Variants in WDR90 observed in about 807,000 individuals in gnomAD.
WDR90 encodes the protein WD repeat-containing protein 90.
In WDR90, 238 loss-of-function variants were observed where a neutral mutation model predicts 195.2. The ratio of observed to expected loss-of-function variants is 1.22; its 90% confidence interval spans 1.10 to 1.36. The LOEUF is 1.36. Ranked by LOEUF, WDR90 falls within the 40% of genes most tolerant of loss-of-function variation. The probability of loss-of-function intolerance (pLI) is 0.00; values close to 1 mark genes in which losing one functional copy is unlikely to be tolerated. For missense variants in WDR90, 2,734 were observed against 2,439.5 expected, an observed-to-expected ratio of 1.12 and a Z score of -2.54; for synonymous variants, 1,265 against 1,052.4, an observed-to-expected ratio of 1.20 and a Z score of -3.91.
In WDR90 at chr16:655,612, C is replaced by T; in HGVS notation, c.1758C>T (p.Asp586=). ...CSRSGHILEI[D]CQRMVVRHAR... is the part of the protein sequence containing the mutation. ...GCAGTGGCCACATCTTGGAGATTGA[C>T]TGTCAGCGCATGGTCGTGCGGCATG... The change falls in exon 16 of 41, where the codon GAC becomes GAT. Residue 586 remains aspartate, a synonymous_variant. Coordinates refer to ENST00000293879, the MANE Select transcript of WDR90 (RefSeq NM_145294.5). 2.5e-6 allele frequency: 4 copies of T among 1,607,568 alleles called. No individual in the cohort carries two copies. Among genetic ancestry groups the T allele is most frequent in the Non-Finnish European group, 3.4e-6 (4 of 1,176,754 alleles).
In WDR90 at chr16:651,731, C is replaced by T. The variant is rs142275854; in HGVS notation, c.824C>T (p.Thr275Met). ...TTCAGTGTGTCTCCAGTGGTCCAGA[C>T]GCCCAGCCCCACAGCCGTGAGTACC... is the stretch of plus-strand genomic sequence containing the variant. The part of the protein sequence containing the change: ...VRFSVSPVVQ[T>M]PSPTASGRAA... The change falls in exon 8 of 41, where the codon ACG becomes ATG. Residue 275 changes from threonine (T) to methionine (M), a missense_variant. Physicochemically the swap from Thr to Met is moderately conservative, Grantham distance 81 (BLOSUM62 -1). Transcript: ENST00000293879. The T allele has an allele frequency of 4.6e-4, 742 of 1,613,088 alleles. 3 individuals carry two copies. The African/African-American group carries it at 8.4e-3, about 18-fold the overall frequency.
intron 5 of WDR90, 136 bp downstream of exon 5, chr16:650,845 A>G: frequency 6.8e-7 from 1 of 1,477,142 alleles, no homozygotes; most frequent in South Asian, 1.2e-5. Flanking sequence ...AACCCATCCC[A>G]GAGGCAGCCC....
chr16:653,103 C>G (rs769521984), intron 10 of WDR90, among the ~76,000 whole-genome samples: 10 of 152,232 alleles, frequency 6.6e-5, no homozygotes, highest in Non-Finnish European at 1.5e-4. Context: ...CATGTGTGTA[C>G]ACGTGTCTGC....
chr16:653,347 T>C lies in WDR90; in HGVS notation c.1129T>C (p.Trp377Arg), dbSNP rs1382131568. 3.9e-6 allele frequency: 6 copies of C among 1,556,660 alleles called. No homozygotes were observed. The highest frequency in any genetic ancestry group is 5.2e-6 in the Non-Finnish European group (6 of 1,152,932). The change falls in exon 11 of 41, where the codon TGG becomes CGG. Residue 377 changes from tryptophan (W) to arginine (R), a missense_variant. Transcript: ENST00000293879. ...FGGHGTRQAL[W>R]TPDGAAVVYP... ...CCCCGCCCCCTTGTGCCAGGCCCTG[T>C]GGACCCCAGACGGGGCGGCTGTCGT...
At chr16:665,099 G>A (rs2037994423) in intron 34 of WDR90, 1 of 174,588 alleles carries the variant, frequency 5.7e-6, no homozygotes, top group Non-Finnish European at 1.2e-5. Context: ...CTTTCTGCCA[G>A]TCCAGCAGTC....
In WDR90 at chr16:650,170, A is replaced by C. The variant is rs1330816750; in HGVS notation, c.279+3A>C. 1 of 1,611,744 alleles carries C rather than the reference A, an allele frequency of 6.2e-7. No individual in the cohort carries two copies. The highest frequency in any genetic ancestry group is 1.3e-5 in the African/African-American group (1 of 74,892). ...TCCACCTCGATGTGTCCTCCAAGGT[A>C]CGGAGCCCGCGGCTGGGGGCTGCGT... On this transcript the variant is annotated splice_donor_region_variant and intron_variant, in intron 3 of 40. Coordinates refer to ENST00000293879, the MANE Select transcript of WDR90 (RefSeq NM_145294.5).
rs868693098 is a variant in WDR90 at position 660,648 on chromosome 16, C to T, written c.3325C>T (p.Arg1109Cys). 4.4e-6 allele frequency: 7 copies of T among 1,580,050 alleles called. No homozygotes were observed. Among genetic ancestry groups the T allele is most frequent in the Non-Finnish European group, 5.2e-6 (6 of 1,164,048 alleles). ...GCCTCCCGCCAGCGGTGGGTGGCTG[C>T]GTCTGAAGGCTGTCGTCGGTTACAG... ...CPPPASGGWL[R>C]LKAVVGYSGN... The change falls in exon 28 of 41, where the codon CGT (arginine) becomes TGT (cysteine). Residue 1109 changes from arginine to cysteine, a missense_variant. Arg to Cys is a radical substitution (Grantham distance 180). Transcript: ENST00000293879.
At position 656,380 on chromosome 16, in the gene WDR90, T is replaced by C; in HGVS notation, c.2045T>C (p.Leu682Pro). The change falls in exon 18 of 41, where the codon CTG (leucine) becomes CCG (proline). Residue 682 changes from leucine to proline, a missense_variant. Transcript: ENST00000293879. ...RVLSATSSGH[L>P]GFLDTLSRVY... ...CTGTCTGCCACCTCCTCGGGCCACC[T>C]GGGCTTCCTGGACACGCTGTCCCGG... 6.2e-7 allele frequency: 1 copy of C among 1,607,370 alleles called. No homozygotes were observed. The highest frequency in any genetic ancestry group is 1.3e-5 in the African/African-American group (1 of 74,844).
chr16:650,844 C>A, intron 5 of WDR90, 135 bp downstream of exon 5: 1 of 1,478,306 alleles, frequency 6.8e-7, no homozygotes. Flanking sequence ...GAACCCATCC[C>A]AGAGGCAGCC....
intron 17 of WDR90, 73 bp downstream of exon 17, chr16:655,962 C>T (rs1164211254): frequency 6.7e-7 from 1 of 1,484,512 alleles, no homozygotes. Context: ...AGGCCCAGTC[C>T]CCGGGGCTCT....
chr16:663,468 T>C (rs982303764), intron 34 of WDR90: 3 of 235,196 alleles, frequency 1.3e-5, no homozygotes, highest in African/African-American at 7.0e-5. Context: ...CCCCACATCG[T>C]CTGTCCCTGC....
chr16:658,157 T>C (rs1567218466), intron 21 of WDR90, 26 bp from the exon 22 acceptor site: 9 of 1,596,110 alleles, frequency 5.6e-6, no homozygotes, highest in Non-Finnish European at 7.7e-6. Flanking sequence ...GGGCCCTGAC[T>C]GTCGGCCACT....
intron 23 of WDR90, 40 bp from the exon 24 acceptor site, chr16:658,855 GC>G (rs750869711): frequency 1.2e-6 from 2 of 1,604,618 alleles, no homozygotes; most frequent in Non-Finnish European, 1.7e-6. Context: ...CAGCATCCAT[GC>G]CCCGCCTCGG....
Position 667,652 on chromosome 16 carries a change from C to G in WDR90, c.*63C>G, listed in dbSNP as rs752539405. ...GTCATGCCAGGCACCTGGACACAGGCTTGGCAGAGGCGCCAGGTTGTCAAT... is the reference window on the plus strand; with the variant it reads ...GTCATGCCAGGCACCTGGACACAGGGTTGGCAGAGGCGCCAGGTTGTCAAT... On this transcript the variant is annotated 3_prime_UTR_variant, in exon 41 of 41. Transcript: ENST00000293879. 5.0e-6 allele frequency: 8 copies of G among 1,592,548 alleles called. No homozygotes were observed. The highest frequency in any genetic ancestry group is 6.8e-6 in the Non-Finnish European group (8 of 1,176,724).
In WDR90 at chr16:658,966, C is replaced by T. The variant is rs770053967; in HGVS notation, c.2966C>T (p.Ala989Val). ...FSPDQQQVLS[A>V]GDAVFLWDVL... ...CCTGACCAGCAGCAGGTCCTCAGCG[C>T]AGGGGACGCCGTCTTCCTCTGGGAT... Residue 989 changes from alanine (A) to valine (V), a missense_variant, in exon 24 of 41, where the codon GCA (alanine) becomes GTA (valine). Coordinates refer to ENST00000293879, the MANE Select transcript of WDR90 (RefSeq NM_145294.5). The T allele has an allele frequency of 5.1e-5, 83 of 1,612,884 alleles. No individual in the cohort carries two copies. Among genetic ancestry groups the T allele is most frequent in the Non-Finnish European group, 6.4e-5 (76 of 1,179,994 alleles).
At position 651,575 on chromosome 16, in the gene WDR90, A is replaced by C. The variant is rs978652401; in HGVS notation, c.737-69A>C. On this transcript the variant is annotated intron_variant, in intron 7 of 40. Transcript: ENST00000293879. ...TGGGCCACTTGCTGCTGCCCTCCCC[A>C]GGCGTCACCCTCACCAGGCATCTGC... is the stretch of plus-strand genomic sequence containing the variant. The C allele has an allele frequency of 3.4e-6, 5 of 1,486,758 alleles. No individual in the cohort carries two copies. In the African/African-American group the frequency reaches 6.9e-5, roughly 21 times the overall value. 92.1% of individuals were successfully genotyped at this position (1,486,758 alleles called of 1,614,324 possible).
rs1002017500 is a variant in WDR90, at chr16:660,843, G to A, written c.3391+129G>A. 4.1e-5 allele frequency: 47 copies of A among 1,135,154 alleles called. No individual in the cohort carries two copies. In the African/African-American group the frequency reaches 6.9e-4, roughly 17 times the overall value. The allele number at this position is 1,135,154 out of a possible 1,614,324, so 70.3% of individuals were successfully genotyped here. On this transcript the variant is annotated intron_variant, in intron 28 of 40. Coordinates refer to ENST00000293879, the MANE Select transcript of WDR90 (RefSeq NM_145294.5). Reference sequence around the variant, plus strand: ...CATCAGTGTGGGGCTCTGTTCTCCCGGTAGCGCCTCCTGGCGCTCCAGCCG... The same window carrying A: ...CATCAGTGTGGGGCTCTGTTCTCCCAGTAGCGCCTCCTGGCGCTCCAGCCG...
chr16:658,676 G>A (rs1456757175), intron 23 of WDR90, 23 bp downstream of exon 23: 1 of 1,597,622 alleles, frequency 6.3e-7, no homozygotes, highest in Non-Finnish European at 8.6e-7. Context: ...GGAGGCAGGT[G>A]GCTTTGGCGG....
Position 651,640 on chromosome 16 carries a change from C to G in WDR90, c.737-4C>G. Reference sequence around the variant, plus strand: ...GGTCACTGGGGTTCTTTGCTCTGTTCTAGTCCTCCTGGGGCCGGGGCCACA... The same window carrying G: ...GGTCACTGGGGTTCTTTGCTCTGTTGTAGTCCTCCTGGGGCCGGGGCCACA... On this transcript the variant is annotated splice_polypyrimidine_tract_variant and splice_region_variant and intron_variant, in intron 7 of 40. Transcript: ENST00000293879. 6.2e-7 allele frequency: 1 copy of G among 1,612,186 alleles called. No individual in the cohort carries two copies. The highest frequency in any genetic ancestry group is 1.1e-5 in the South Asian group (1 of 91,076).
Sources: gnomAD v4.1 joint callset for allele counts (sites outside exome capture counted in the v4.1 genomes callset) on GRCh38, gnomAD v4.1.1 for gene constraint, MANE v1.5 for transcripts, NCBI Gene and HGNC (gene_info 2026-07-23, HGNC 2026-07-21) for gene names.